PREP: variants seen among roughly 807,000 people sequenced by gnomAD.
PREP encodes dJ355L5.1 (prolyl endopeptidase).
Under a neutral mutation model 87.6 loss-of-function variants are expected in PREP, and 29 were observed. The observed-to-expected ratio is 0.33, with a 90% CI of 0.25 to 0.45. The LOEUF (loss-of-function observed/expected upper bound fraction) is 0.45. Among genes scored for constraint, PREP ranks in the 20% least tolerant of loss-of-function variants. The pLI, the probability that PREP is intolerant of heterozygous loss-of-function variation, is 1.00. For synonymous variants in PREP, 337 were observed against 328.6 expected (o/e 1.03, Z -0.28); for missense variants, 695 against 886.5 (o/e 0.78, Z 2.74).
rs891899868 is a variant in PREP, at chr6:105,277,148, G to A, written c.*996C>T. Among the ~76,000 whole-genome samples, 1 of 149,234 alleles carries A rather than the reference G, an allele frequency of 6.7e-6. No homozygotes were observed. Among genetic ancestry groups the A allele is most frequent in the Admixed American group, 6.7e-5 (1 of 14,950 alleles). ...AGTATATCTTAAAAATCTTGGGGGT[G>A]GGCAAACCAAAACTTTTTTTTTTTT... On this transcript the variant is annotated 3_prime_UTR_variant, in exon 15 of 15. Transcript: ENST00000652536.
At chr6:105,297,352 A>G (rs1770431460) in intron 10 of PREP, among the ~76,000 whole-genome samples, 1 of 152,166 alleles carries the variant, frequency 6.6e-6, no homozygotes, top group South Asian at 2.1e-4. Context: ...AGAACCTTAA[A>G]CTATTATTAG....
intron 2 of PREP, among the ~76,000 whole-genome samples, chr6:105,388,332 G>T (rs1030423796): frequency 6.6e-6 from 1 of 152,190 alleles, no homozygotes; most frequent in Non-Finnish European, 1.5e-5. Flanking sequence ...GGTGAAAAGT[G>T]ACATTCCTGC....
At chr6:105,389,848 T>C (rs1386831839) in intron 2 of PREP, among the ~76,000 whole-genome samples, 2 of 152,068 alleles carry the variant, frequency 1.3e-5, no homozygotes, top group Non-Finnish European at 2.9e-5. Flanking sequence ...CAGAAACTCC[T>C]CATGCTACAC....
intron 7 of PREP, among the ~76,000 whole-genome samples, chr6:105,333,819 C>T (rs766679583): frequency 1.3e-5 from 2 of 152,128 alleles, no homozygotes; most frequent in Non-Finnish European, 2.9e-5. Context: ...CCTCTCCTGC[C>T]ATCACACCAT....
At position 105,397,932 on chromosome 6, in the gene PREP, A is replaced by G. The variant is rs1337236541; in HGVS notation, c.46-5T>C. The G allele has an allele frequency of 6.3e-7, 1 of 1,598,758 alleles. No individual in the cohort carries two copies. Among genetic ancestry groups the G allele is most frequent in the Admixed American group, 1.7e-5 (1 of 59,974 alleles). Reference sequence around the variant, plus strand: ...ATGACCATGATAATCCTGTACCTGTAAAAAACAAAATGAGGTATTAGATAA... The same window carrying G: ...ATGACCATGATAATCCTGTACCTGTGAAAAACAAAATGAGGTATTAGATAA... On this transcript the variant is annotated splice_polypyrimidine_tract_variant and splice_region_variant and intron_variant, in intron 1 of 14. Transcript: ENST00000652536.
intron 1 of PREP, among the ~76,000 whole-genome samples, chr6:105,402,374 A>G (rs1457014521): frequency 1.3e-5 from 2 of 152,088 alleles, no homozygotes; most frequent in South Asian, 2.1e-4. Context: ...TAAGGACTTT[A>G]AAGTGTAAGT....
rs544862509 is a variant in PREP, at chr6:105,336,165, C to T, written c.824-2660G>A. Among the ~76,000 whole-genome samples, 3 of 152,226 alleles carry T rather than the reference C, an allele frequency of 2.0e-5. No homozygotes were observed. In the East Asian group the frequency reaches 5.8e-4, roughly 30 times the overall value. On this transcript the variant is annotated intron_variant, in intron 7 of 14. Transcript: ENST00000652536. ...ATCCAAGCTACTTGAGAGGCTGAGG[C>T]AAGAGAATTGCTTGAATCCAGGAGA... is the stretch of plus-strand genomic sequence containing the variant.
At chr6:105,370,740 T>G (rs1260305075) in intron 5 of PREP, among the ~76,000 whole-genome samples, 1 of 152,146 alleles carries the variant, frequency 6.6e-6, no homozygotes, top group Non-Finnish European at 1.5e-5. Context: ...CTTAAATGTA[T>G]TATCAGTAAG....
At chr6:105,291,024 G>C (rs1319168528) in intron 10 of PREP, among the ~76,000 whole-genome samples, 1 of 152,106 alleles carries the variant, frequency 6.6e-6, no homozygotes, top group Non-Finnish European at 1.5e-5. Context: ...GCTTCCCAGT[G>C]CATATAAAAG....
At chr6:105,298,675 G>A in intron 10 of PREP, 1 of 154,226 alleles carries the variant, frequency 6.5e-6, no homozygotes, top group Non-Finnish European at 1.4e-5. Flanking sequence ...GGGACATCTA[G>A]TCCACAGGGA....
intron 10 of PREP, among the ~76,000 whole-genome samples, chr6:105,289,554 T>A (rs368147595): frequency 2.2e-4 from 33 of 152,310 alleles, no homozygotes; most frequent in African/African-American, 7.7e-4. Context: ...TAAAGCCTTC[T>A]TGAATCTGGG....
chr6:105,356,424 A>C (rs1446953527), intron 6 of PREP, among the ~76,000 whole-genome samples: 2 of 152,206 alleles, frequency 1.3e-5, no homozygotes, highest in African/African-American at 4.8e-5. Context: ...CTTAGCTTGA[A>C]TCATAAAGTC....
At chr6:105,385,283 TAAAAAAAA>T (rs11354337) in intron 2 of PREP, among the ~76,000 whole-genome samples, 2 of 122,654 alleles carry the variant, frequency 1.6e-5, no homozygotes, top group Non-Finnish European at 1.7e-5. Flanking sequence ...AGATCTGCTT[TAAAAAAAA>T]AAAAAAAAAA....
At chr6:105,338,584 C>G (rs373039436) in intron 7 of PREP, among the ~76,000 whole-genome samples, 1 of 152,192 alleles carries the variant, frequency 6.6e-6, no homozygotes, top group Non-Finnish European at 1.5e-5. Context: ...CGAAGCAGGG[C>G]GGGGCATCAC....
At position 105,328,976 on chromosome 6, in the gene PREP, C is replaced by T. The variant is rs1345819652; in HGVS notation, c.1066G>A (p.Asp356Asn). Residue 356 changes from aspartate (D) to asparagine (N), a missense_variant, in exon 9 of 15, where the codon GAC (aspartate) becomes AAC (asparagine). Physicochemically the swap from Asp to Asn is conservative, Grantham distance 23. Transcript: ENST00000652536. ...TGGAGCTGCAGAATGTTCTTGACGT[C>T]ATGGAGGTAGCATAAGACCAAGAAG... ...SNFLVLCYLH[D>N]VKNILQLHDL... 6.2e-7 allele frequency: 1 copy of T among 1,614,008 alleles called. No individual in the cohort carries two copies. Among genetic ancestry groups the T allele is most frequent in the East Asian group, 2.2e-5 (1 of 44,894 alleles).
intron 6 of PREP, among the ~76,000 whole-genome samples, chr6:105,361,817 T>C (rs79039801): frequency 0.025 from 3,770 of 152,264 alleles, 151 homozygotes; most frequent in African/African-American, 0.087. Context: ...AATGATGACT[T>C]TTCATATATG....
intron 6 of PREP, among the ~76,000 whole-genome samples, chr6:105,356,733 A>G (rs1398242091): frequency 6.6e-6 from 1 of 152,190 alleles, no homozygotes; most frequent in African/African-American, 2.4e-5. Context: ...CAATATCTGA[A>G]AACAGCTGCT....
chr6:105,394,919 T>C (rs1003929378), intron 2 of PREP, among the ~76,000 whole-genome samples: 3 of 151,372 alleles, frequency 2.0e-5, no homozygotes, highest in Non-Finnish European at 4.4e-5. Flanking sequence ...TTGTCAGAAA[T>C]GTGGAGATCT....
At chr6:105,317,705 C>T (rs939674293) in intron 10 of PREP, among the ~76,000 whole-genome samples, 16 of 152,230 alleles carry the variant, frequency 1.1e-4, no homozygotes, top group African/African-American at 3.4e-4. Context: ...GAGTTGGTCA[C>T]CCCAGGCAAG....
Sources: gnomAD v4.1 joint callset for allele counts (sites outside exome capture counted in the v4.1 genomes callset) on GRCh38, gnomAD v4.1.1 for gene constraint, MANE v1.5 for transcripts, NCBI Gene and HGNC (gene_info 2026-07-23, HGNC 2026-07-21) for gene names.